Variants in GRID2 observed in about 807,000 individuals in gnomAD.
GRID2 encodes the protein glutamate ionotropic receptor delta type subunit 2.
Under a neutral mutation model 114.8 loss-of-function variants are expected in GRID2, and 33 were observed. That is an observed-to-expected ratio of 0.29 (90% CI 0.22 to 0.38). The LOEUF (loss-of-function observed/expected upper bound fraction) is 0.38. Among genes scored for constraint, GRID2 ranks in the 10% least tolerant of loss-of-function variants. The probability of loss-of-function intolerance (pLI) is 1.00; values close to 1 mark genes in which losing one functional copy is unlikely to be tolerated. For synonymous variants in GRID2, 505 were observed against 449.9 expected (o/e 1.12, Z -1.55); for missense variants, 1,184 against 1,257.7 (o/e 0.94, Z 0.89).
intron 8 of GRID2, among the ~76,000 whole-genome samples, chr4:93,312,444 C>T (rs1560485978): frequency 6.6e-6 from 1 of 152,106 alleles, no homozygotes; most frequent in African/African-American, 2.4e-5. Context: ...ACCTGGAGCT[C>T]ATTAGTGCAA....
intron 2 of GRID2, among the ~76,000 whole-genome samples, chr4:92,686,554 C>T (rs1333809859): frequency 2.0e-5 from 3 of 151,988 alleles, no homozygotes; most frequent in Non-Finnish European, 2.9e-5. Flanking sequence ...TTTAATAAAA[C>T]GCTTGCTGGA....
chr4:92,490,415 G>A (rs535933934), intron 1 of GRID2, among the ~76,000 whole-genome samples: 3 of 152,094 alleles, frequency 2.0e-5, no homozygotes, highest in Non-Finnish European at 4.4e-5. Context: ...ATAGCATCCT[G>A]CTCTGATCAG....
At chr4:92,784,659 G>A (rs1363448197) in intron 2 of GRID2, among the ~76,000 whole-genome samples, 1 of 151,858 alleles carries the variant, frequency 6.6e-6, no homozygotes, top group Admixed American at 6.6e-5. Flanking sequence ...CAATACTTTA[G>A]TGTTTGCTGA....
At chr4:92,432,981 G>A (rs114920118) in intron 1 of GRID2, among the ~76,000 whole-genome samples, 3,732 of 152,180 alleles carry the variant, frequency 0.025, 61 homozygotes, top group Middle Eastern at 0.041. Flanking sequence ...TTCCAAAAAC[G>A]GTCCTTCCCT....
intron 1 of GRID2, among the ~76,000 whole-genome samples, chr4:92,427,501 A>T (rs1248607114): frequency 6.6e-6 from 1 of 152,196 alleles, no homozygotes; most frequent in Non-Finnish European, 1.5e-5. Flanking sequence ...TGTTATATAG[A>T]AAAATATACT....
chr4:93,711,754 GGCT>G (rs1728497670), intron 14 of GRID2, among the ~76,000 whole-genome samples: 1 of 152,198 alleles, frequency 6.6e-6, no homozygotes, highest in Non-Finnish European at 1.5e-5. Flanking sequence ...TGCACCACAT[GGCT>G]GCTGCTGGGG....
At chr4:93,743,679 G>A (rs1731599804) in intron 14 of GRID2, among the ~76,000 whole-genome samples, 2 of 152,098 alleles carry the variant, frequency 1.3e-5, no homozygotes, top group Non-Finnish European at 2.9e-5. Context: ...AATCAATAAA[G>A]TAATAACTCA....
chr4:93,248,707 T>C (rs958024176), intron 8 of GRID2, among the ~76,000 whole-genome samples: 8 of 152,178 alleles, frequency 5.3e-5, no homozygotes, highest in African/African-American at 1.9e-4. Context: ...AAAGTGCTAA[T>C]AGAAGTTTCA....
intron 2 of GRID2, among the ~76,000 whole-genome samples, chr4:92,959,110 A>G (rs1213441974): frequency 2.6e-5 from 1 of 37,948 alleles, no homozygotes; most frequent in Admixed American, 2.9e-4. Flanking sequence ...GATTTTATTG[A>G]TTTTTTTTTT....
chr4:92,928,652 T>C (rs992446512), intron 2 of GRID2, among the ~76,000 whole-genome samples: 2 of 151,568 alleles, frequency 1.3e-5, no homozygotes, highest in African/African-American at 4.8e-5. Context: ...TGGCCAAAAA[T>C]TGGAAAGTGA....
rs569330758 is a variant in GRID2, at chr4:92,366,619, A to C, written c.88+61875A>C. Among the ~76,000 whole-genome samples the C allele has an allele frequency of 2.0e-5, 3 of 152,124 alleles. No individual in the cohort carries two copies. In the East Asian group the frequency reaches 5.8e-4, roughly 29 times the overall value. ...CATTATTATTATCTAGAATTACATC[A>C]AAATTTACTTTATAAGCTACATAAG... On this transcript the variant is annotated intron_variant, in intron 1 of 15. Coordinates refer to ENST00000282020, the MANE Select transcript of GRID2 (RefSeq NM_001510.4).
chr4:93,576,877 G>A (rs1736476610), intron 13 of GRID2, among the ~76,000 whole-genome samples: 1 of 152,078 alleles, frequency 6.6e-6, no homozygotes, highest in African/African-American at 2.4e-5. Flanking sequence ...AAAAAAGGGT[G>A]AAGAAAAGAA....
intron 1 of GRID2, among the ~76,000 whole-genome samples, chr4:92,550,701 C>A (rs1445257464): frequency 6.6e-6 from 1 of 151,550 alleles, no homozygotes; most frequent in African/African-American, 2.4e-5. Flanking sequence ...CGGAGAAGAA[C>A]CTAAAAACAA....
chr4:93,492,847 T>A (rs1727151065), intron 12 of GRID2, among the ~76,000 whole-genome samples: 2 of 151,944 alleles, frequency 1.3e-5, no homozygotes, highest in South Asian at 4.1e-4. Flanking sequence ...TGCATTAGAT[T>A]CCCACAACTG....
chr4:93,503,396 A>T (rs1396683175), intron 12 of GRID2, among the ~76,000 whole-genome samples: 1 of 152,038 alleles, frequency 6.6e-6, no homozygotes, highest in Non-Finnish European at 1.5e-5. Flanking sequence ...ACATATGTAT[A>T]CATGTGCCAT....
intron 2 of GRID2, among the ~76,000 whole-genome samples, chr4:92,611,070 ATATATATATGTGTG>A (rs1161465430): frequency 5.2e-5 from 7 of 134,416 alleles, no homozygotes; most frequent in Admixed American, 2.3e-4. Context: ...GTGTGTGTGT[ATATATATATGTGTG>A]TATATATATG....
rs369944855 is a variant in GRID2 at position 93,269,387 on chromosome 4, A to G, written c.1245+30897A>G. Among the ~76,000 whole-genome samples the G allele has an allele frequency of 1.2e-3, 178 of 152,354 alleles. 3 individuals are homozygous for G. The highest frequency in any genetic ancestry group is 4.2e-3 in the African/African-American group (176 of 41,578). ...ATTAAGTCATTGTCTAAGGCAGCAA[A>G]TAGTTTAATTCCTTGGTCTAAAATT... On this transcript the variant is annotated intron_variant, in intron 8 of 15. Transcript: ENST00000282020.
chr4:92,423,530 A>T (rs1732005831), intron 1 of GRID2, among the ~76,000 whole-genome samples: 1 of 152,162 alleles, frequency 6.6e-6, no homozygotes, highest in South Asian at 2.1e-4. Flanking sequence ...TATAGAGTTT[A>T]AAAAGTGAAG....
At chr4:92,768,000 A>G (rs1021595020) in intron 2 of GRID2, among the ~76,000 whole-genome samples, 1 of 152,058 alleles carries the variant, frequency 6.6e-6, no homozygotes, top group Admixed American at 6.6e-5. Context: ...TCTTCTAATT[A>G]TTATTATATC....
Sources: gnomAD v4.1 joint callset for allele counts (sites outside exome capture counted in the v4.1 genomes callset) on GRCh38, gnomAD v4.1.1 for gene constraint, MANE v1.5 for transcripts, NCBI Gene and HGNC (gene_info 2026-07-23, HGNC 2026-07-21) for gene names.